Variants in LARGE1 observed in about 807,000 individuals in gnomAD.
LARGE1 encodes xylosyl- and glucuronyltransferase LARGE1.
In LARGE1, 43 loss-of-function variants were observed where a neutral mutation model predicts 87.6. The ratio of observed to expected loss-of-function variants is 0.49; its 90% CI spans 0.38 to 0.63. The LOEUF (loss-of-function observed/expected upper bound fraction) is 0.63. Ranked by LOEUF, LARGE1 falls within the 30% of genes least tolerant of loss-of-function variation. The pLI, the probability that LARGE1 is intolerant of heterozygous loss-of-function variation, is 0.00. For missense variants in LARGE1, 802 were observed against 1,000.2 expected, an observed-to-expected ratio of 0.80 and a Z score of 2.67; for synonymous variants, 434 against 394.6, an observed-to-expected ratio of 1.10 and a Z score of -1.18.
At chr22:33,460,817 A>G (rs1223288792) in intron 6 of LARGE1, among the ~76,000 whole-genome samples, 1 of 152,240 alleles carries the variant, frequency 6.6e-6, no homozygotes, top group African/African-American at 2.4e-5. Context: ...AGCCAGTTCT[A>G]TAGGAAATTT....
chr22:33,591,368 G>C (rs988091989), intron 5 of LARGE1, among the ~76,000 whole-genome samples: 1 of 152,138 alleles, frequency 6.6e-6, no homozygotes, highest in African/African-American at 2.4e-5. Context: ...GGTATCTCAG[G>C]ATGGTCTTTA....
rs561533251 is a variant in LARGE1 at position 33,506,407 on chromosome 22, G to C, written c.787+58441C>G. Among the ~76,000 whole-genome samples the C allele has an allele frequency of 2.1e-3, 321 of 152,240 alleles. 3 individuals carry two copies. The highest frequency in any genetic ancestry group is 7.6e-3 in the African/African-American group (314 of 41,550). On this transcript the variant is annotated intron_variant, in intron 6 of 14. Transcript: ENST00000397394. ...CTGGCATCAGAGACATGCTGTTCCT[G>C]TGTCCTCGAGGAAACCCTTCCTCCT...
downstream of LARGE1, among the ~76,000 whole-genome samples, chr22:33,267,840 G>A (rs553450334): frequency 1.3e-5 from 2 of 151,724 alleles, no homozygotes; most frequent in Admixed American, 6.5e-5. Flanking sequence ...CATGGGGAAA[G>A]GAACCAAGTC....
rs1453942482 is a variant in LARGE1, at chr22:33,436,318, C to T, written c.788-4053G>A. ...ATGATAGTCACTGCCTATCCTAACC[C>T]GAAAGCCCCTGATAGACAGCAAGCT... On this transcript the variant is annotated intron_variant, in intron 6 of 14. Transcript: ENST00000397394. Among the ~76,000 whole-genome samples, 9 of 152,290 alleles carry T rather than the reference C, an allele frequency of 5.9e-5. No homozygotes were observed. The East Asian group carries it at 1.2e-3, about 20-fold the overall frequency.
chr22:33,740,121 G>T (rs1267096934), intron 2 of LARGE1, among the ~76,000 whole-genome samples: 1 of 152,046 alleles, frequency 6.6e-6, no homozygotes, highest in African/African-American at 2.4e-5. Context: ...CTTGACCATC[G>T]CTTCCTGGAG....
intron 4 of LARGE1, among the ~76,000 whole-genome samples, chr22:33,614,219 C>T (rs1339204245): frequency 1.3e-5 from 2 of 152,086 alleles, no homozygotes; most frequent in African/African-American, 2.4e-5. Context: ...ATTGTCAGAT[C>T]GATTGAGCTA....
chr22:33,506,175 C>T (rs2148407249), intron 6 of LARGE1, among the ~76,000 whole-genome samples: 1 of 152,116 alleles, frequency 6.6e-6, no homozygotes, highest in Middle Eastern at 3.4e-3. Context: ...AAAGGATGCC[C>T]TGAACATAGT....
chr22:33,920,414 C>G lies in LARGE1; in HGVS notation c.-502G>C, dbSNP rs1291177333. On this transcript the variant is annotated 5_prime_UTR_variant, in exon 1 of 15. Coordinates refer to ENST00000397394, the MANE Select transcript of LARGE1 (RefSeq NM_133642.5). ...CCCGCGAACAGCCCGGCGAGACGAGCGCGGCCGCGCCCCCAGCTTCGGGCG... is the reference window on the plus strand; with the variant it reads ...CCCGCGAACAGCCCGGCGAGACGAGGGCGGCCGCGCCCCCAGCTTCGGGCG... The G allele has an allele frequency of 2.0e-5, 3 of 149,792 alleles. No individual in the cohort carries two copies. The highest frequency in any genetic ancestry group is 4.5e-5 in the Non-Finnish European group (3 of 67,344). The allele number at this position is 149,792 out of a possible 1,614,324, so 9.3% of individuals were successfully genotyped here. A position where few individuals can be genotyped will look rare whatever the true frequency, so the allele number is the denominator to read the frequency against.
chr22:33,541,071 G>A (rs2077187214), intron 6 of LARGE1, among the ~76,000 whole-genome samples: 1 of 102,408 alleles, frequency 9.8e-6, no homozygotes, highest in Non-Finnish European at 2.0e-5. Context: ...GGGGGGGCGG[G>A]GGGCGGGTTG....
chr22:33,248,488 G>T (rs970777917), intron 11 of LARGE1, among the ~76,000 whole-genome samples: 2 of 152,152 alleles, frequency 1.3e-5, no homozygotes, highest in Non-Finnish European at 2.9e-5. Context: ...GAGCCAACAC[G>T]TGAGCCACGT....
intron 2 of LARGE1, among the ~76,000 whole-genome samples, chr22:33,745,351 C>G (rs543423516): frequency 6.6e-6 from 1 of 152,130 alleles, no homozygotes; most frequent in Non-Finnish European, 1.5e-5. Flanking sequence ...CTTTGCTTAT[C>G]CGCCCCTTCA....
intron 3 of LARGE1, among the ~76,000 whole-genome samples, chr22:33,649,486 C>T (rs186615705): frequency 3.7e-4 from 56 of 152,204 alleles, no homozygotes; most frequent in South Asian, 1.0e-3. Context: ...ATGTACTAGG[C>T]GCTAGTCAAG....
At chr22:33,261,900 G>A (rs1413783983) in intron 11 of LARGE1, among the ~76,000 whole-genome samples, 2 of 152,236 alleles carry the variant, frequency 1.3e-5, no homozygotes, top group African/African-American at 4.8e-5. Flanking sequence ...CAATGCCTCA[G>A]AGGAATCTCT....
intron 1 of LARGE1, among the ~76,000 whole-genome samples, chr22:33,782,985 T>C (rs1394085224): frequency 1.3e-5 from 2 of 151,744 alleles, no homozygotes; most frequent in East Asian, 3.9e-4. Context: ...TGTCAGGCCA[T>C]ACACTACAGT....
intron 6 of LARGE1, among the ~76,000 whole-genome samples, chr22:33,448,020 A>T (rs1055561383): frequency 6.6e-6 from 1 of 151,926 alleles, no homozygotes; most frequent in African/African-American, 2.4e-5. Flanking sequence ...TATATATCAC[A>T]TTTCACGTGA....
At chr22:33,482,988 T>C (rs1414926491) in intron 6 of LARGE1, among the ~76,000 whole-genome samples, 2 of 152,168 alleles carry the variant, frequency 1.3e-5, no homozygotes, top group Non-Finnish European at 2.9e-5. Context: ...TGGACAGGAC[T>C]TACGTGGCCT....
At chr22:33,774,562 T>C (rs2085175495) in intron 1 of LARGE1, among the ~76,000 whole-genome samples, 1 of 152,170 alleles carries the variant, frequency 6.6e-6, no homozygotes, top group South Asian at 2.1e-4. Context: ...TTCACCATGT[T>C]GGCCAGGCTG....
intron 2 of LARGE1, among the ~76,000 whole-genome samples, chr22:33,729,645 C>A (rs1310899885): frequency 6.6e-6 from 1 of 152,180 alleles, no homozygotes; most frequent in Non-Finnish European, 1.5e-5. Flanking sequence ...AGCTGGGTGC[C>A]CTTATTTAAG....
the LARGE1 span, among the ~76,000 whole-genome samples, chr22:33,078,338 G>C: frequency 1.3e-5 from 2 of 152,186 alleles, no homozygotes; most frequent in African/African-American, 4.8e-5. Context: ...CATCTTTAGC[G>C]AGAAATGTAC....
Sources: allele counts gnomAD v4.1 joint callset (sites outside exome capture counted in the v4.1 genomes callset), GRCh38; gene constraint gnomAD v4.1.1; transcripts MANE v1.5; gene names NCBI Gene and HGNC (gene_info 2026-07-23, HGNC 2026-07-21).